Variants in CNTN5 observed in about 807,000 individuals in gnomAD.
The protein encoded by CNTN5 is contactin 5.
In CNTN5, 77 loss-of-function variants were observed where a neutral mutation model predicts 129.1. The ratio of observed to expected loss-of-function variants is 0.60; its 90% CI spans 0.50 to 0.72. The LOEUF (loss-of-function observed/expected upper bound fraction) is 0.72, where lower values mean the gene tolerates loss of function less well. CNTN5 is among the 30% of genes least tolerant of loss of function. The pLI is 0.00. For synonymous variants in CNTN5, 509 were observed against 465.6 expected, an observed-to-expected ratio of 1.09 and a Z score of -1.20; for missense variants, 1,478 against 1,328.8, an observed-to-expected ratio of 1.11 and a Z score of -1.75.
chr11:99,972,219 C>G (rs1323349450), intron 8 of CNTN5, among the ~76,000 whole-genome samples: 1 of 151,882 alleles, frequency 6.6e-6, no homozygotes, highest in African/African-American at 2.4e-5. Flanking sequence ...CGAGATTGCG[C>G]CACTGCACTC....
chr11:99,702,949 C>T (rs1190458930), intron 3 of CNTN5, among the ~76,000 whole-genome samples: 1 of 150,820 alleles, frequency 6.6e-6, no homozygotes, highest in Non-Finnish European at 1.5e-5. Flanking sequence ...TGTGTTGAAA[C>T]TTTCTTTCCC....
chr11:99,775,037 T>A (rs1945077174), intron 3 of CNTN5, among the ~76,000 whole-genome samples: 1 of 152,036 alleles, frequency 6.6e-6, no homozygotes, highest in South Asian at 2.1e-4. Context: ...GGCAGAGCCA[T>A]CAGAAGAGTA....
chr11:99,801,768 C>T (rs188258298), intron 3 of CNTN5, among the ~76,000 whole-genome samples: 1 of 152,298 alleles, frequency 6.6e-6, no homozygotes, highest in Non-Finnish European at 1.5e-5. Context: ...AGTTTCAATT[C>T]AAGAAGCTCT....
At chr11:99,139,236 C>T (rs1460772465) in intron 1 of CNTN5, among the ~76,000 whole-genome samples, 1 of 152,040 alleles carries the variant, frequency 6.6e-6, no homozygotes, top group Non-Finnish European at 1.5e-5. Context: ...CACTGCACTT[C>T]ACTTCACCCT....
At chr11:100,205,711 A>G (rs1488505919) in intron 15 of CNTN5, among the ~76,000 whole-genome samples, 3 of 128,000 alleles carry the variant, frequency 2.3e-5, no homozygotes, top group Admixed American at 8.0e-5. Context: ...TATAACAACT[A>G]TTTACCTAGC....
chr11:99,722,824 T>C (rs1292439139), intron 3 of CNTN5, among the ~76,000 whole-genome samples: 1 of 151,954 alleles, frequency 6.6e-6, no homozygotes, highest in African/African-American at 2.4e-5. Context: ...TTATATATTA[T>C]GTATATGGGG....
At chr11:99,391,825 T>C (rs1941277134) in intron 2 of CNTN5, among the ~76,000 whole-genome samples, 1 of 151,962 alleles carries the variant, frequency 6.6e-6, no homozygotes, top group Admixed American at 6.6e-5. Flanking sequence ...GATACCCTTG[T>C]CATATTAGGT....
At chr11:99,500,112 G>C (rs1472663225) in intron 2 of CNTN5, among the ~76,000 whole-genome samples, 1 of 151,604 alleles carries the variant, frequency 6.6e-6, no homozygotes, top group East Asian at 1.9e-4. Context: ...TATAGGAGTA[G>C]ATTTGTTTGA....
intron 3 of CNTN5, among the ~76,000 whole-genome samples, chr11:99,677,119 T>A (rs1353221902): frequency 6.6e-6 from 1 of 152,202 alleles, no homozygotes; most frequent in Non-Finnish European, 1.5e-5. Flanking sequence ...TGTTTTCTGA[T>A]GTTACACAAC....
chr11:99,398,261 T>C (rs1941628717), intron 2 of CNTN5, among the ~76,000 whole-genome samples: 2 of 151,956 alleles, frequency 1.3e-5, no homozygotes, highest in Non-Finnish European at 1.5e-5. Context: ...CTTTCAAAAG[T>C]GACTTAGGGT....
intron 1 of CNTN5, among the ~76,000 whole-genome samples, chr11:99,320,033 A>G (rs1247450018): frequency 2.6e-5 from 4 of 152,174 alleles, no homozygotes; most frequent in African/African-American, 9.7e-5. Flanking sequence ...TGACGTCAGG[A>G]GTTCGAGACC....
intron 4 of CNTN5, among the ~76,000 whole-genome samples, chr11:99,839,885 A>G (rs1056898549): frequency 9.2e-5 from 14 of 152,108 alleles, no homozygotes; most frequent in Non-Finnish European, 1.5e-5. Context: ...TTTTAAAGAA[A>G]AACAAGGTAT....
intron 1 of CNTN5, among the ~76,000 whole-genome samples, chr11:99,173,107 A>G (rs937238916): frequency 1.1e-4 from 16 of 152,296 alleles, no homozygotes; most frequent in South Asian, 1.0e-3. Flanking sequence ...TGAGAACAGC[A>G]TGGGAAAGAG....
chr11:99,418,771 TTAAG>T, intron 2 of CNTN5, among the ~76,000 whole-genome samples: 1 of 152,320 alleles, frequency 6.6e-6, no homozygotes. Context: ...GTTATTTTTC[TTAAG>T]TATCTGTCGA....
chr11:99,711,338 G>T (rs1039264284), intron 3 of CNTN5, among the ~76,000 whole-genome samples: 10 of 151,768 alleles, frequency 6.6e-5, no homozygotes, highest in African/African-American at 2.2e-4. Context: ...TGATTGTATT[G>T]TTATTCATGG....
chr11:99,261,252 G>A (rs1489163452), intron 1 of CNTN5, among the ~76,000 whole-genome samples: 1 of 151,954 alleles, frequency 6.6e-6, no homozygotes, highest in Non-Finnish European at 1.5e-5. Flanking sequence ...GAATCGTAGA[G>A]TTAATTGTGA....
chr11:99,818,146 C>T (rs1946654372), intron 3 of CNTN5, among the ~76,000 whole-genome samples: 1 of 151,942 alleles, frequency 6.6e-6, no homozygotes, highest in South Asian at 2.1e-4. Context: ...CATAATTATT[C>T]TAAATAATTT....
At chr11:99,980,339 C>G (rs1206539404) in intron 8 of CNTN5, among the ~76,000 whole-genome samples, 1 of 152,160 alleles carries the variant, frequency 6.6e-6, no homozygotes, top group Non-Finnish European at 1.5e-5. Flanking sequence ...TGTTACTAAA[C>G]TTATTTAAGC....
At chr11:100,226,479 C>A (rs1461759645) in intron 16 of CNTN5, among the ~76,000 whole-genome samples, 1 of 152,108 alleles carries the variant, frequency 6.6e-6, no homozygotes, top group Non-Finnish European at 1.5e-5. Context: ...TCAGGTTCAG[C>A]TTTCATGTTC....
Sources: allele counts gnomAD v4.1 joint callset (sites outside exome capture counted in the v4.1 genomes callset), GRCh38; gene constraint gnomAD v4.1.1; transcripts MANE v1.5; gene names NCBI Gene and HGNC (gene_info 2026-07-23, HGNC 2026-07-21).